Variants in GPC5 observed in about 807,000 individuals in gnomAD.
The protein encoded by GPC5 is glypican-5.
In GPC5, 47 loss-of-function variants were observed where a neutral mutation model predicts 53.9. The ratio of observed to expected loss-of-function variants is 0.87; its 90% confidence interval spans 0.69 to 1.11. The LOEUF (loss-of-function observed/expected upper bound fraction) is 1.11. GPC5 is among the 50% of genes most tolerant of loss of function. The pLI is 0.00. For missense variants in GPC5, 748 were observed against 713.1 expected (o/e 1.05, Z -0.56); for synonymous variants, 286 against 263.3 (o/e 1.09, Z -0.84).
At chr13:91,722,616 C>T (rs971709553) in intron 3 of GPC5, among the ~76,000 whole-genome samples, 11 of 152,164 alleles carry the variant, frequency 7.2e-5, no homozygotes, top group Non-Finnish European at 1.6e-4. Flanking sequence ...CTTCCTCTGC[C>T]TCTTCCTCCT....
At chr13:91,855,721 A>G (rs898221906) in intron 5 of GPC5, among the ~76,000 whole-genome samples, 2 of 151,616 alleles carry the variant, frequency 1.3e-5, no homozygotes, top group East Asian at 3.8e-4. Context: ...GAAGACATCA[A>G]TTCTGCAGAT....
At chr13:91,679,609 G>A (rs987763556) in intron 2 of GPC5, among the ~76,000 whole-genome samples, 16 of 152,124 alleles carry the variant, frequency 1.1e-4, no homozygotes, top group African/African-American at 3.9e-4. Flanking sequence ...CAAAAGCAAT[G>A]GTGAGCAAAA....
intron 7 of GPC5, among the ~76,000 whole-genome samples, chr13:92,305,947 A>G (rs1056765747): frequency 2.2e-4 from 33 of 152,232 alleles, no homozygotes; most frequent in Non-Finnish European, 4.4e-5. Flanking sequence ...AAGGCAAAGT[A>G]AAGAAGAATT....
chr13:92,398,409 A>G (rs1275943349), intron 7 of GPC5, among the ~76,000 whole-genome samples: 4 of 131,118 alleles, frequency 3.1e-5, no homozygotes. Flanking sequence ...AGCCTGGGCG[A>G]CAGAGCGAGA....
intron 6 of GPC5, among the ~76,000 whole-genome samples, chr13:92,120,911 C>G (rs1448023083): frequency 1.3e-5 from 2 of 152,094 alleles, no homozygotes; most frequent in Non-Finnish European, 2.9e-5. Context: ...TTCAATTCTT[C>G]TTGAAATTAT....
chr13:92,583,449 A>G (rs1372781959), intron 7 of GPC5, among the ~76,000 whole-genome samples: 1 of 152,180 alleles, frequency 6.6e-6, no homozygotes, highest in Non-Finnish European at 1.5e-5. Flanking sequence ...ATGTAATTGG[A>G]GAAGATTGAA....
chr13:92,602,199 TATATATATTACATATATATAA>T (rs1426420721), intron 7 of GPC5, among the ~76,000 whole-genome samples: 24 of 136,716 alleles, frequency 1.8e-4, no homozygotes, highest in African/African-American at 2.2e-4. Context: ...TATATATAAA[TATATATATTACATATATATAA>T]ATATATATAT....
At chr13:92,071,252 AT>A (rs1231522169) in intron 6 of GPC5, among the ~76,000 whole-genome samples, 1 of 152,016 alleles carries the variant, frequency 6.6e-6, no homozygotes, top group Non-Finnish European at 1.5e-5. Flanking sequence ...ATTGTCAATT[AT>A]TTTTTTCTGT....
chr13:92,137,816 C>T (rs4483721), intron 6 of GPC5, among the ~76,000 whole-genome samples: 87,163 of 151,998 alleles, frequency 0.57, 25,344 homozygotes, highest in Non-Finnish European at 0.61. Context: ...ATTCCATTTA[C>T]TAATGCAGAA....
At chr13:92,009,371 T>A (rs968269171) in intron 6 of GPC5, among the ~76,000 whole-genome samples, 5 of 151,904 alleles carry the variant, frequency 3.3e-5, no homozygotes, top group Non-Finnish European at 7.4e-5. Flanking sequence ...ATTTTTAAGC[T>A]TTTTTGTGGG....
At chr13:92,538,009 AAAG>A (rs1468740407) in intron 7 of GPC5, among the ~76,000 whole-genome samples, 1 of 152,132 alleles carries the variant, frequency 6.6e-6, no homozygotes, top group Non-Finnish European at 1.5e-5. Context: ...TAAGAAGCTT[AAAG>A]AAGAATGAGG....
intron 6 of GPC5, among the ~76,000 whole-genome samples, chr13:92,033,199 T>C (rs1351648266): frequency 1.3e-5 from 2 of 152,158 alleles, no homozygotes; most frequent in African/African-American, 4.8e-5. Context: ...GAGTATTTGA[T>C]TTTGTTCAAA....
rs147060737 is a variant in GPC5, at chr13:92,767,133, T to TTTTG, written c.1562-99133_1562-99130dup. ...AGAAAGAAGCAGTGAGGCACATTGT[T>TTTTG]TTTGTTTGTTTGTTTGTTTTTCTCT... On this transcript the variant is annotated intron_variant, in intron 7 of 7. Coordinates refer to ENST00000377067, the MANE Select transcript of GPC5 (RefSeq NM_004466.6). 2.2e-3 allele frequency among the ~76,000 whole-genome samples: 341 copies of TTTTG among 152,222 alleles called. 3 individuals carry two copies. Among genetic ancestry groups the TTTTG allele is most frequent in the African/African-American group, 7.9e-3 (329 of 41,534 alleles).
intron 2 of GPC5, among the ~76,000 whole-genome samples, chr13:91,467,368 T>A (rs1351507092): frequency 1.3e-5 from 2 of 152,134 alleles, no homozygotes; most frequent in East Asian, 1.9e-4. Context: ...CACAGCCAAG[T>A]GTGGGGTGAG....
At chr13:91,733,260 C>T (rs543530697) in intron 4 of GPC5, among the ~76,000 whole-genome samples, 9 of 152,132 alleles carry the variant, frequency 5.9e-5, no homozygotes, top group South Asian at 2.1e-4. Context: ...CCTCAGCTTC[C>T]GAGTAGCTGG....
In GPC5 at chr13:92,289,039, TCTTG is replaced by T. The variant is rs556743514; in HGVS notation, c.1561+144054_1561+144057del. On this transcript the variant is annotated intron_variant, in intron 7 of 7. Transcript: ENST00000377067. Reference sequence around the variant, plus strand: ...AATACTGAAAGTGATCTCCATGTTTTCTTGCTTTTAATTCTTCCATTTATGTCAA... The same window carrying T: ...AATACTGAAAGTGATCTCCATGTTTTCTTTTAATTCTTCCATTTATGTCAA... Among the ~76,000 whole-genome samples, 566 of 152,184 alleles carry T rather than the reference TCTTG, an allele frequency of 3.7e-3. 4 individuals are homozygous for T. Among genetic ancestry groups the T allele is most frequent in the African/African-American group, 0.013 (551 of 41,486 alleles).
intron 2 of GPC5, among the ~76,000 whole-genome samples, chr13:91,451,542 C>T (rs1305076224): frequency 1.3e-5 from 2 of 151,962 alleles, no homozygotes; most frequent in South Asian, 2.1e-4. Flanking sequence ...GAAACTCACA[C>T]TGGGCTCTGT....
intron 2 of GPC5, among the ~76,000 whole-genome samples, chr13:91,572,831 T>C (rs1223688350): frequency 1.3e-5 from 2 of 152,150 alleles, no homozygotes; most frequent in Admixed American, 1.3e-4. Flanking sequence ...TAACACAAAG[T>C]TTAAATATTC....
At chr13:92,675,097 C>A (rs1886891479) in intron 7 of GPC5, among the ~76,000 whole-genome samples, 1 of 151,842 alleles carries the variant, frequency 6.6e-6, no homozygotes, top group African/African-American at 2.4e-5. Flanking sequence ...GATACTAGTA[C>A]AAAATATTGA....
Sources: gnomAD v4.1 joint callset for allele counts (sites outside exome capture counted in the v4.1 genomes callset) on GRCh38, gnomAD v4.1.1 for gene constraint, MANE v1.5 for transcripts, NCBI Gene and HGNC (gene_info 2026-07-23, HGNC 2026-07-21) for gene names.